OLFM1: variants seen among roughly 807,000 people sequenced by gnomAD.
OLFM1 encodes olfactomedin 1.
Under a neutral mutation model 49.7 loss-of-function variants are expected in OLFM1, and 9 were observed. The observed-to-expected ratio is 0.18, with a 90% CI of 0.11 to 0.32. OLFM1 has a LOEUF of 0.32. Among genes scored for constraint, OLFM1 ranks in the 10% least tolerant of loss-of-function variants. The pLI is 1.00. For missense variants in OLFM1, 369 were observed against 661.8 expected (o/e 0.56, Z 4.85); for synonymous variants, 240 against 271.8 (o/e 0.88, Z 1.15).
chr9:135,104,457 G>A (rs1830911680), intron 4 of OLFM1, among the ~76,000 whole-genome samples: 2 of 152,204 alleles, frequency 1.3e-5, no homozygotes, highest in Non-Finnish European at 1.5e-5. Flanking sequence ...GGTTCCGGGC[G>A]TTAGTGTGGG....
Position 135,095,981 on chromosome 9 carries a change from G to C in OLFM1, c.418G>C (p.Glu140Gln). The change falls in exon 3 of 6, where the codon GAG (glutamate) becomes CAG (glutamine). Residue 140 changes from glutamate to glutamine, a missense_variant. This residue lies in a region of OLFM1 where 294 missense variants were observed against 567.5 expected (regional missense o/e 0.52). Transcript: ENST00000371793. ...KGLESKFKQVEESHKQHLARQ... is the reference protein window; with the variant it reads ...KGLESKFKQVQESHKQHLARQ... ...ACTGGAGTCCAAGTTCAAACAGGTG[G>C]AGGAGAGTCATAAGCAACACCTGGC... 5 of 1,534,036 alleles carry C rather than the reference G, an allele frequency of 3.3e-6. No homozygotes were observed. Among genetic ancestry groups the C allele is most frequent in the Non-Finnish European group, 4.4e-6 (5 of 1,132,486 alleles).
chr9:135,120,411 G>A lies in OLFM1; in HGVS notation c.*233G>A, dbSNP rs192679799. 3.4e-4 allele frequency: 195 copies of A among 570,040 alleles called. 1 individual carries two copies. Among genetic ancestry groups the A allele is most frequent in the African/African-American group, 2.9e-3 (153 of 53,382 alleles). The allele number at this position is 570,040 out of a possible 1,614,324, so 35.3% of individuals were successfully genotyped here. On this transcript the variant is annotated 3_prime_UTR_variant, in exon 6 of 6. Transcript: ENST00000371793. ...TGCAGCTGGAACTGCAGCCCACGGCGCCCCGGTTTTCCTCCCCGCCCTGTC... is the reference window on the plus strand; with the variant it reads ...TGCAGCTGGAACTGCAGCCCACGGCACCCCGGTTTTCCTCCCCGCCCTGTC...
chr9:135,111,950 C>T (rs540497703), intron 5 of OLFM1, among the ~76,000 whole-genome samples: 1 of 152,304 alleles, frequency 6.6e-6, no homozygotes, highest in South Asian at 2.1e-4. Flanking sequence ...CTCCTGACCT[C>T]ATGATCCACC....
At chr9:135,096,656 C>T (rs773581390) in intron 3 of OLFM1, among the ~76,000 whole-genome samples, 7 of 152,200 alleles carry the variant, frequency 4.6e-5, no homozygotes, top group African/African-American at 1.7e-4. Flanking sequence ...GAAGGGACAT[C>T]GTTATTGGCC....
intron 4 of OLFM1, among the ~76,000 whole-genome samples, chr9:135,104,516 C>T (rs1830912578): frequency 6.6e-6 from 1 of 152,208 alleles, no homozygotes; most frequent in African/African-American, 2.4e-5. Context: ...CTGAAGTGGC[C>T]AGAGCCCGTG....
chr9:135,075,704 T>A, exon 1 of OLFM1: 1 of 1,594,492 alleles, frequency 6.3e-7, no homozygotes, highest in Non-Finnish European at 8.5e-7. Flanking sequence ...CCCAGGGCCC[T>A]GCATGCCAGG....
At position 135,120,364 on chromosome 9, in the gene OLFM1, C is replaced by T. The variant is rs765965807; in HGVS notation, c.*186C>T. 187 of 627,720 alleles carry T rather than the reference C, an allele frequency of 3.0e-4. No homozygotes were observed. The highest frequency in any genetic ancestry group is 7.8e-4 in the East Asian group (28 of 35,842). 38.9% of individuals were successfully genotyped at this position (627,720 alleles called of 1,614,324 possible). On this transcript the variant is annotated 3_prime_UTR_variant, in exon 6 of 6. Transcript: ENST00000371793. ...CCCTTTCGAGCCGGCGGGCCACAGACGTCGGAAGAAACTCCCGTATTTGCA... is the reference window on the plus strand; with the variant it reads ...CCCTTTCGAGCCGGCGGGCCACAGATGTCGGAAGAAACTCCCGTATTTGCA...
intron 1 of OLFM1, among the ~76,000 whole-genome samples, chr9:135,082,450 C>T (rs1296809463): frequency 3.9e-5 from 6 of 152,246 alleles, no homozygotes; most frequent in Admixed American, 2.6e-4. Flanking sequence ...GGTGATGCTT[C>T]GGGGGCCTAA....
At chr9:135,076,732 A>G in intron 1 of OLFM1, 1 of 1,452,394 alleles carries the variant, frequency 6.9e-7, no homozygotes, top group Non-Finnish European at 9.0e-7. Context: ...CCAGGAAGTG[A>G]TGGGCAGCCA....
intron 5 of OLFM1, among the ~76,000 whole-genome samples, chr9:135,112,735 C>T (rs1370492580): frequency 6.6e-6 from 1 of 152,250 alleles, no homozygotes; most frequent in East Asian, 1.9e-4. Context: ...CTCGTGTGGA[C>T]ACCGTGGTGT....
chr9:135,077,493 A>C, intron 1 of OLFM1: 1 of 383,640 alleles, frequency 2.6e-6, no homozygotes, highest in South Asian at 9.2e-5. Flanking sequence ...GTATTTGTCC[A>C]TCCACACGAA....
At position 135,120,449 on chromosome 9, in the gene OLFM1, A is replaced by G; in HGVS notation, c.*271A>G. 2.0e-6 allele frequency: 1 copy of G among 502,454 alleles called. No individual in the cohort carries two copies. Among genetic ancestry groups the G allele is most frequent in the Non-Finnish European group, 3.6e-6 (1 of 281,202 alleles). 31.1% of individuals were successfully genotyped at this position (502,454 alleles called of 1,614,324 possible). A position where few individuals can be genotyped will look rare whatever the true frequency, so the allele number is the denominator to read the frequency against. The stretch of plus-strand genomic sequence containing the variant: ...TCCCCGCCCTGTCCCTCTCTGGTCA[A>G]ACAACATACTAAAGAGGCGAGGCAA... On this transcript the variant is annotated 3_prime_UTR_variant, in exon 6 of 6. Coordinates refer to ENST00000371793, the MANE Select transcript of OLFM1 (RefSeq NM_001282611.2).
intron 5 of OLFM1, among the ~76,000 whole-genome samples, chr9:135,116,822 A>G (rs569921737): frequency 1.3e-5 from 2 of 151,636 alleles, no homozygotes; most frequent in African/African-American, 2.4e-5. Context: ...GACCCACATC[A>G]TTGAGGTTTG....
At chr9:135,087,121 G>C (rs1204998993), upstream of OLFM1, 3 of 981,742 alleles carry the variant, frequency 3.1e-6, no homozygotes, top group Non-Finnish European at 2.8e-6. Context: ...GCTGCCCTGG[G>C]ATCGCAGGGG....
chr9:135,119,341 G>T (rs1472745621), intron 5 of OLFM1, among the ~76,000 whole-genome samples, 163 bp from the exon 6 acceptor site: 5 of 148,022 alleles, frequency 3.4e-5, no homozygotes, highest in Non-Finnish European at 7.5e-5. Context: ...GTGCTCACGG[G>T]GTCTTTGGAG....
chr9:135,119,118 G>A (rs78302034), intron 5 of OLFM1, among the ~76,000 whole-genome samples: 1,267 of 121,288 alleles, frequency 0.01, 1 homozygote, highest in Middle Eastern at 0.027. Context: ...AGTGCTCACC[G>A]GGTCTTTGGA....
chr9:135,087,496 C>G, upstream of OLFM1: 2 of 1,466,182 alleles, frequency 1.4e-6, no homozygotes, highest in Non-Finnish European at 1.8e-6. Context: ...TCACCCTGAT[C>G]CCAACTCCTG....
Position 135,119,894 on chromosome 9 carries a change from A to G in OLFM1, c.1174A>G (p.Thr392Ala). Reference sequence around the variant, plus strand: ...CCCCGTGTCCCTGCAGACCCTGCAGACCTGGAACACGAGCTACCCCAAGCG... The same window carrying G: ...CCCCGTGTCCCTGCAGACCCTGCAGGCCTGGAACACGAGCTACCCCAAGCG... ...LDPVSLQTLQ[T>A]WNTSYPKRSA... Residue 392 changes from threonine to alanine, a missense_variant, in exon 6 of 6, where the codon ACC becomes GCC. Physicochemically the swap from Thr to Ala is moderately conservative, Grantham distance 58. Around this residue, in one of 3 missense-constraint regions of OLFM1, gnomAD observed 294 missense variants for 567.5 expected, o/e 0.52. Transcript: ENST00000371793. The G allele has an allele frequency of 6.2e-7, 1 of 1,613,508 alleles. No individual in the cohort carries two copies. Among genetic ancestry groups the G allele is most frequent in the Non-Finnish European group, 8.5e-7 (1 of 1,180,024 alleles).
At chr9:135,112,789 C>A (rs1437094072) in intron 5 of OLFM1, among the ~76,000 whole-genome samples, 1 of 152,176 alleles carries the variant, frequency 6.6e-6, no homozygotes, top group Non-Finnish European at 1.5e-5. Context: ...TGCAGGGGCA[C>A]AGACGGACCA....
Sources: gnomAD v4.1 joint callset for allele counts (sites outside exome capture counted in the v4.1 genomes callset) on GRCh38, gnomAD v4.1.1 for gene constraint, gnomAD v4.1.1 regional missense constraint, MANE v1.5 for transcripts, NCBI Gene and HGNC (gene_info 2026-07-23, HGNC 2026-07-21) for gene names.